The following ANO7 variants were observed in gnomAD, a reference collection of about 807,000 sequenced individuals.
ANO7 encodes the protein anoctamin-7.
A neutral mutation model predicts 115.8 loss-of-function variants in ANO7; 114 were observed. The ratio of observed to expected loss-of-function variants is 0.98; its 90% CI spans 0.85 to 1.15. The LOEUF is 1.15. Among genes scored for constraint, ANO7 ranks in the 50% most tolerant of loss-of-function variants. The probability of loss-of-function intolerance (pLI) is 0.00; values close to 1 mark genes in which losing one functional copy is unlikely to be tolerated. For missense variants in ANO7, 1,302 were observed against 1,201.2 expected, an observed-to-expected ratio of 1.08 and a Z score of -1.24; for synonymous variants, 550 against 498.2, an observed-to-expected ratio of 1.10 and a Z score of -1.38.
chr2:241,207,328 TTATAA>T (rs1233424564), intron 10 of ANO7, among the ~76,000 whole-genome samples: 3 of 152,260 alleles, frequency 2.0e-5, no homozygotes, highest in Non-Finnish European at 4.4e-5. Context: ...GTAAGCTTTC[TTATAA>T]TATTAATAAA....
intron 21 of ANO7, among the ~76,000 whole-genome samples, chr2:241,222,120 G>A (rs748213833): frequency 7.2e-5 from 11 of 152,022 alleles, no homozygotes; most frequent in Non-Finnish European, 1.2e-4. Context: ...TGTAGTCCCA[G>A]CTACTCAGGA....
chr2:241,222,084 A>G (rs920266666), intron 21 of ANO7, among the ~76,000 whole-genome samples: 1 of 151,880 alleles, frequency 6.6e-6, no homozygotes, highest in Non-Finnish European at 1.5e-5. Flanking sequence ...AATACAAAAA[A>G]TTAGCTGGGC....
In ANO7 at chr2:241,225,833, C is replaced by T. The variant is rs1406716767; in HGVS notation, c.*1680C>T. On this transcript the variant is annotated 3_prime_UTR_variant, in exon 25 of 25. Coordinates refer to ENST00000674324, the MANE Select transcript of ANO7 (RefSeq NM_001370694.2). ...AGCATGGCGGACAGCACACACGGCC[C>T]GGGGCGGGAACCTTGGAAACTTTAC... Among the ~76,000 whole-genome samples, 1 of 152,182 alleles carries T rather than the reference C, an allele frequency of 6.6e-6. No homozygotes were observed. Among genetic ancestry groups the T allele is most frequent in the Non-Finnish European group, 1.5e-5 (1 of 68,040 alleles).
chr2:241,199,211 G>A, intron 4 of ANO7, 105 bp from the exon 5 acceptor site: 1 of 995,130 alleles, frequency 1.0e-6, no homozygotes, highest in Non-Finnish European at 1.6e-6. Flanking sequence ...TGTTACCACG[G>A]CTACAGAAAT....
chr2:241,234,229 A>G, the ANO7 span, among the ~76,000 whole-genome samples: 28 of 152,372 alleles, frequency 1.8e-4, no homozygotes, highest in Middle Eastern at 3.4e-3. Context: ...GATCGTGCTC[A>G]GGAACTGACA....
chr2:241,202,866 T>C (rs936641029), intron 8 of ANO7, among the ~76,000 whole-genome samples: 2 of 152,200 alleles, frequency 1.3e-5, no homozygotes, highest in Non-Finnish European at 2.9e-5. Flanking sequence ...CACTGCTGCA[T>C]GGCCAGGGGT....
chr2:241,203,565 T>C lies in ANO7; in HGVS notation c.889+67T>C, dbSNP rs1241642220. On this transcript the variant is annotated intron_variant, in intron 9 of 24. Transcript: ENST00000674324. This position sits in a 1 kb window ranked among gnomAD's most constrained non-coding sequence, Gnocchi z 4.8. ...CAGCTTGGTGTCAGGTTGTAACAAT[T>C]TGCCAGTCCGTACCCCTGGAGGGCA... 2 of 1,246,082 alleles carry C rather than the reference T, an allele frequency of 1.6e-6. No homozygotes were observed. The highest frequency in any genetic ancestry group is 2.1e-6 in the Non-Finnish European group (2 of 931,320). 77.2% of individuals were successfully genotyped at this position (1,246,082 alleles called of 1,614,324 possible).
chr2:241,193,990 C>T (rs1345167587), intron 3 of ANO7, among the ~76,000 whole-genome samples: 1 of 152,254 alleles, frequency 6.6e-6, no homozygotes, highest in Non-Finnish European at 1.5e-5. Context: ...GATCTCTGGC[C>T]TCAGCCTCCC....
intron 2 of ANO7, among the ~76,000 whole-genome samples, chr2:241,190,553 T>A (rs2068175700): frequency 6.6e-6 from 1 of 152,196 alleles, no homozygotes; most frequent in African/African-American, 2.4e-5. Context: ...TAGGAGGCCA[T>A]GGATGCGCTG....
At chr2:241,198,588 G>C (rs544548570) in intron 4 of ANO7, among the ~76,000 whole-genome samples, 2 of 152,230 alleles carry the variant, frequency 1.3e-5, no homozygotes, top group South Asian at 4.1e-4. Flanking sequence ...ATCACGGCCA[G>C]CTGGGGGCCA....
Position 241,224,487 on chromosome 2 carries a change from G to A in ANO7, c.*334G>A. Reference sequence around the variant, plus strand: ...ACACGACAGTTCTCCTCAGGCAGGTGGGCTTTGTGGTCCTCGCCGCCCCTG... The same window carrying A: ...ACACGACAGTTCTCCTCAGGCAGGTAGGCTTTGTGGTCCTCGCCGCCCCTG... On this transcript the variant is annotated 3_prime_UTR_variant, in exon 25 of 25. Transcript: ENST00000674324. 2.9e-6 allele frequency: 1 copy of A among 348,028 alleles called. No homozygotes were observed. 21.6% of individuals were successfully genotyped at this position (348,028 alleles called of 1,614,324 possible).
At chr2:241,217,137 A>C (rs1170219191) in intron 19 of ANO7, among the ~76,000 whole-genome samples, 1 of 152,204 alleles carries the variant, frequency 6.6e-6, no homozygotes, top group Non-Finnish European at 1.5e-5. Context: ...CCCGGCAGGC[A>C]GCTCTTAACC....
the ANO7 span, among the ~76,000 whole-genome samples, chr2:241,233,341 G>C: frequency 1.3e-5 from 2 of 152,168 alleles, no homozygotes; most frequent in South Asian, 2.1e-4. The surrounding 1 kb of genome is among the most constrained non-coding windows in gnomAD (Gnocchi z 4.3). Flanking sequence ...CCAGTGGCAG[G>C]GGGGTGGCAC....
chr2:241,229,724 C>T (rs2069482481), downstream of ANO7: 1 of 1,610,204 alleles, frequency 6.2e-7, no homozygotes, highest in Non-Finnish European at 8.5e-7. Flanking sequence ...GGAGGGGATG[C>T]TCCCCAACTC....
chr2:241,233,675 C>G, the ANO7 span: 2 of 834,814 alleles, frequency 2.4e-6, no homozygotes, highest in Non-Finnish European at 3.8e-6. This position sits in a 1 kb window ranked among gnomAD's most constrained non-coding sequence, Gnocchi z 4.3. Context: ...GCCCAAACCT[C>G]AAGCCAGAAT....
intron 9 of ANO7, among the ~76,000 whole-genome samples, chr2:241,204,508 TGTG>T (rs1321032899): frequency 1.3e-5 from 2 of 152,078 alleles, no homozygotes; most frequent in Non-Finnish European, 2.9e-5. Context: ...CCCACAGCTC[TGTG>T]GTGGGCAGGA....
At chr2:241,202,351 C>T (rs2068492501) in intron 8 of ANO7, 47 bp downstream of exon 8, 2 of 1,560,606 alleles carry the variant, frequency 1.3e-6, no homozygotes, top group Admixed American at 3.4e-5. Context: ...GGAGATGAGT[C>T]CCCTTGGGTC....
At chr2:241,236,331 C>CT in the ANO7 span, 1 of 438,528 alleles carries the variant, frequency 2.3e-6, no homozygotes, top group South Asian at 3.1e-5. Context: ...AGCTGAGACC[C>CT]TTCCACAGCC....
At position 241,190,568 on chromosome 2, in the gene ANO7, C is replaced by A. The variant is rs976200525; in HGVS notation, c.108+397C>A. Among the ~76,000 whole-genome samples, 18 of 152,340 alleles carry A rather than the reference C, an allele frequency of 1.2e-4. No homozygotes were observed. The Middle Eastern group carries it at 0.01, about 86-fold the overall frequency. ...TAGGAGGCCATGGATGCGCTGTGAGCCTGTGGGGAGAGGCTGGGTCCCGGG... is the reference window on the plus strand; with the variant it reads ...TAGGAGGCCATGGATGCGCTGTGAGACTGTGGGGAGAGGCTGGGTCCCGGG... On this transcript the variant is annotated intron_variant, in intron 2 of 24. Transcript: ENST00000674324.
Sources: allele counts gnomAD v4.1 joint callset (sites outside exome capture counted in the v4.1 genomes callset), GRCh38; gene constraint gnomAD v4.1.1; non-coding constraint Gnocchi (gnomAD v3.1); transcripts MANE v1.5; gene names NCBI Gene and HGNC (gene_info 2026-07-23, HGNC 2026-07-21).